Variants in TASP1 observed in about 807,000 individuals in gnomAD.
The protein encoded by TASP1 is threonine aspartase 1.
TASP1 carries 16 observed loss-of-function variants against 56.6 expected under a neutral mutation model. That is an observed-to-expected ratio of 0.28 (90% CI 0.19 to 0.43). TASP1 has a LOEUF of 0.43. Ranked by LOEUF, TASP1 falls within the 20% of genes least tolerant of loss-of-function variation. The probability of loss-of-function intolerance (pLI) is 1.00; values close to 1 mark genes in which losing one functional copy is unlikely to be tolerated. For synonymous variants in TASP1, 179 were observed against 184.2 expected, an observed-to-expected ratio of 0.97 and a Z score of 0.23; for missense variants, 393 against 511.6, an observed-to-expected ratio of 0.77 and a Z score of 2.24.
At chr20:13,588,317 AAAGGAAGGAAGGAAGG>A (rs147823593) in intron 4 of TASP1, among the ~76,000 whole-genome samples, 3 of 113,718 alleles carry the variant, frequency 2.6e-5, no homozygotes, top group Non-Finnish European at 4.1e-5. Flanking sequence ...AAGAGAAAGA[AAAGGAAGGAAGGAAGG>A]AAGGAAGGAA....
At chr20:13,451,371 A>G (rs900135242) in intron 11 of TASP1, among the ~76,000 whole-genome samples, 1 of 152,168 alleles carries the variant, frequency 6.6e-6, no homozygotes, top group Non-Finnish European at 1.5e-5. Flanking sequence ...TGAAAGTCCT[A>G]GATGGCATCA....
At chr20:13,195,919 T>C in the TASP1 span, among the ~76,000 whole-genome samples, 1 of 152,214 alleles carries the variant, frequency 6.6e-6, no homozygotes, top group East Asian at 1.9e-4. Flanking sequence ...GGGTCAAGCA[T>C]GGCCTGCCTC....
chr20:13,403,194 T>C (rs977992030), intron 13 of TASP1, among the ~76,000 whole-genome samples: 2 of 146,220 alleles, frequency 1.4e-5, no homozygotes, highest in African/African-American at 5.6e-5. Flanking sequence ...AGCTGGCTTA[T>C]TAACTTATTA....
chr20:13,555,480 T>A (rs1049942436), intron 8 of TASP1, among the ~76,000 whole-genome samples: 5 of 152,086 alleles, frequency 3.3e-5, no homozygotes, highest in Non-Finnish European at 5.9e-5. Context: ...AATAAATCAC[T>A]TTTTTTATTT....
intron 13 of TASP1, among the ~76,000 whole-genome samples, chr20:13,406,946 A>G (rs574341797): frequency 5.5e-4 from 84 of 152,264 alleles, no homozygotes; most frequent in Non-Finnish European, 1.1e-3. Flanking sequence ...GATTACAGGC[A>G]TTAGCCACCG....
In TASP1 at chr20:13,405,616, G is replaced by A. The variant is rs376199095; in HGVS notation, c.1170+11832C>T. Among the ~76,000 whole-genome samples, 14 of 152,012 alleles carry A rather than the reference G, an allele frequency of 9.2e-5. No individual in the cohort carries two copies. In the East Asian group the frequency reaches 1.4e-3, roughly 15 times the overall value. ...GGCTGGGGTGCAGTGGCGTGATCTCGGCTCACTGCAACCTCCGCCTCCTGG... is the reference window on the plus strand; with the variant it reads ...GGCTGGGGTGCAGTGGCGTGATCTCAGCTCACTGCAACCTCCGCCTCCTGG... On this transcript the variant is annotated intron_variant, in intron 13 of 13. Transcript: ENST00000337743.
intron 5 of TASP1, among the ~76,000 whole-genome samples, chr20:13,582,854 G>A (rs1280760376): frequency 6.6e-6 from 1 of 152,136 alleles, no homozygotes; most frequent in Non-Finnish European, 1.5e-5. Context: ...GGCCCTCTAA[G>A]TACGTTTCCT....
the TASP1 span, among the ~76,000 whole-genome samples, chr20:13,287,965 A>G: frequency 6.6e-6 from 1 of 152,200 alleles, no homozygotes; most frequent in Admixed American, 6.5e-5. Context: ...GGGAATGGCT[A>G]GAAGGCTTGA....
At chr20:13,274,425 A>G in the TASP1 span, among the ~76,000 whole-genome samples, 1 of 152,094 alleles carries the variant, frequency 6.6e-6, no homozygotes, top group African/African-American at 2.4e-5. Context: ...TTCCGCTGCC[A>G]GGGCTCCTGG....
intron 4 of TASP1, among the ~76,000 whole-genome samples, chr20:13,588,273 G>A (rs143782369): frequency 2.8e-3 from 315 of 112,420 alleles, no homozygotes; most frequent in African/African-American, 9.9e-3. Flanking sequence ...AAGGAAGGAA[G>A]GAAGGAAGGA....
chr20:13,462,480 C>T (rs929524173), intron 11 of TASP1, among the ~76,000 whole-genome samples: 1 of 152,100 alleles, frequency 6.6e-6, no homozygotes, highest in Non-Finnish European at 1.5e-5. Context: ...GGCATGAACC[C>T]TTTTTTCCTA....
At chr20:13,580,015 C>A (rs777237348) in intron 6 of TASP1, among the ~76,000 whole-genome samples, 2 of 152,186 alleles carry the variant, frequency 1.3e-5, no homozygotes, top group African/African-American at 2.4e-5. Flanking sequence ...TGAGCATAGA[C>A]TAAGTGTGAC....
At chr20:13,299,055 G>A in the TASP1 span, 6 of 1,613,838 alleles carry the variant, frequency 3.7e-6, no homozygotes, top group East Asian at 2.2e-5. This position sits in a 1 kb window ranked among gnomAD's most constrained non-coding sequence, Gnocchi z 5.8. Context: ...CACTGAGGTG[G>A]CCTACAGCAC....
At chr20:13,122,194 T>C in the TASP1 span, among the ~76,000 whole-genome samples, 1 of 152,238 alleles carries the variant, frequency 6.6e-6, no homozygotes, top group South Asian at 2.1e-4. Flanking sequence ...TCCACCACTA[T>C]GGATTTTAAA....
At chr20:13,558,564 T>C (rs1260793211) in intron 8 of TASP1, among the ~76,000 whole-genome samples, 5 of 152,066 alleles carry the variant, frequency 3.3e-5, no homozygotes, top group African/African-American at 1.2e-4. Context: ...AGTATACCTG[T>C]AATAACTTGG....
chr20:13,512,489 G>C (rs1039004757), intron 10 of TASP1, among the ~76,000 whole-genome samples: 1 of 152,038 alleles, frequency 6.6e-6, no homozygotes, highest in East Asian at 1.9e-4. Flanking sequence ...TTCTTTGTAG[G>C]TTCTGGCTAT....
intron 4 of TASP1, among the ~76,000 whole-genome samples, chr20:13,590,686 TG>T (rs757563638): frequency 2.6e-5 from 4 of 151,646 alleles, no homozygotes; most frequent in Admixed American, 6.6e-5. Flanking sequence ...GCCAACATGG[TG>T]AAACCCCATC....
the TASP1 span, among the ~76,000 whole-genome samples, chr20:13,158,741 CTG>C: frequency 4.7e-3 from 717 of 152,310 alleles, 2 homozygotes; most frequent in African/African-American, 0.016. Flanking sequence ...GCCAGAGAGG[CTG>C]TGTGTCTTGT....
intron 12 of TASP1, among the ~76,000 whole-genome samples, chr20:13,430,197 A>G (rs949552279): frequency 6.6e-6 from 1 of 152,218 alleles, no homozygotes; most frequent in South Asian, 2.1e-4. Flanking sequence ...ATTTGTCATT[A>G]CAGCTCATTA....
Sources: allele counts gnomAD v4.1 joint callset (sites outside exome capture counted in the v4.1 genomes callset), GRCh38; gene constraint gnomAD v4.1.1; non-coding constraint Gnocchi (gnomAD v3.1); transcripts MANE v1.5; gene names NCBI Gene and HGNC (gene_info 2026-07-23, HGNC 2026-07-21).